EXOC4: variants seen among roughly 807,000 people sequenced by gnomAD.
The protein encoded by EXOC4 is exocyst complex component 4.
Under a neutral mutation model 107.2 loss-of-function variants are expected in EXOC4, and 71 were observed. That is an observed-to-expected ratio of 0.66 (90% CI 0.55 to 0.81). The LOEUF (loss-of-function observed/expected upper bound fraction) is 0.81, where lower values mean the gene tolerates loss of function less well. Ranked by LOEUF, EXOC4 falls within the 30% of genes least tolerant of loss-of-function variation. EXOC4 has a pLI of 0.00. For missense variants in EXOC4, 1,108 were observed against 1,189.6 expected (o/e 0.93, Z 1.01); for synonymous variants, 456 against 441.2 (o/e 1.03, Z -0.42).
chr7:133,501,090 A>G (rs1799567388), intron 9 of EXOC4, among the ~76,000 whole-genome samples: 1 of 152,164 alleles, frequency 6.6e-6, no homozygotes, highest in Non-Finnish European at 1.5e-5. Context: ...GCATATATGT[A>G]TATATAATTA....
rs1037167843 is a variant in EXOC4 at position 133,922,279 on chromosome 7, G to A, written c.2027+4541G>A. Among the ~76,000 whole-genome samples, 3 of 152,146 alleles carry A rather than the reference G, an allele frequency of 2.0e-5. No homozygotes were observed. The South Asian group carries it at 6.2e-4, about 31-fold the overall frequency. On this transcript the variant is annotated intron_variant, in intron 13 of 17. Transcript: ENST00000253861. ...ACAGAACTTTAGCAATAAGAACATA[G>A]CAACAAAGTGCCTTCTCGTCCTCCT...
chr7:133,659,747 G>A (rs758776031), intron 10 of EXOC4, among the ~76,000 whole-genome samples: 3 of 152,058 alleles, frequency 2.0e-5, no homozygotes, highest in Admixed American at 6.6e-5. Context: ...TTGTCTCCCC[G>A]ATTTCCCATT....
At chr7:133,885,438 C>T (rs1194488593) in intron 11 of EXOC4, among the ~76,000 whole-genome samples, 1 of 152,150 alleles carries the variant, frequency 6.6e-6, no homozygotes, top group African/African-American at 2.4e-5. Context: ...TCTGAATGTG[C>T]TGTGCATGTG....
intron 5 of EXOC4, among the ~76,000 whole-genome samples, chr7:133,331,325 CTA>C (rs1276576862): frequency 1.3e-5 from 2 of 151,960 alleles, no homozygotes; most frequent in Non-Finnish European, 2.9e-5. Context: ...TAAAGAATCT[CTA>C]TAAATCAATA....
intron 14 of EXOC4, among the ~76,000 whole-genome samples, chr7:133,979,782 C>T (rs1169062474): frequency 1.3e-5 from 2 of 151,338 alleles, no homozygotes; most frequent in African/African-American, 2.4e-5. Context: ...AGCGAGACTC[C>T]ATCTCAAAAA....
intron 11 of EXOC4, among the ~76,000 whole-genome samples, chr7:133,839,099 T>TA (rs2151246732): frequency 6.6e-6 from 1 of 152,362 alleles, no homozygotes; most frequent in South Asian, 2.1e-4. Context: ...ATTAACAAGA[T>TA]ACCTTTTTTC....
intron 17 of EXOC4, among the ~76,000 whole-genome samples, chr7:134,012,872 G>C (rs1405552861): frequency 6.6e-6 from 1 of 152,178 alleles, no homozygotes; most frequent in African/African-American, 2.4e-5. Flanking sequence ...AAAGGGTGTT[G>C]TCCCAGAAGT....
chr7:133,897,109 G>A (rs1184388344), intron 12 of EXOC4, among the ~76,000 whole-genome samples: 1 of 151,286 alleles, frequency 6.6e-6, no homozygotes, highest in African/African-American at 2.4e-5. Context: ...TGAAAATGTA[G>A]ATGTTGGATA....
the EXOC4 span, among the ~76,000 whole-genome samples, chr7:134,096,948 C>G: frequency 6.6e-6 from 1 of 152,006 alleles, no homozygotes; most frequent in African/African-American, 2.4e-5. Flanking sequence ...TATTAACCAT[C>G]ACAACTCTGT....
chr7:133,322,526 G>A (rs938781210), intron 5 of EXOC4, among the ~76,000 whole-genome samples: 1 of 152,164 alleles, frequency 6.6e-6, no homozygotes, highest in African/African-American at 2.4e-5. Context: ...TCAGATGGTT[G>A]TAGATGTGTG....
At chr7:133,821,592 T>C (rs1797522503) in intron 11 of EXOC4, among the ~76,000 whole-genome samples, 1 of 152,222 alleles carries the variant, frequency 6.6e-6, no homozygotes, top group African/African-American at 2.4e-5. Context: ...AGCAATTCAT[T>C]TTTATGTTTT....
At chr7:133,771,440 A>G (rs1796242635) in intron 10 of EXOC4, 1 of 151,988 alleles carries the variant, frequency 6.6e-6, no homozygotes, top group African/African-American at 2.4e-5. Context: ...GACATCAGTA[A>G]TGATTCAGTC....
chr7:133,738,840 G>A (rs1420967), intron 10 of EXOC4, among the ~76,000 whole-genome samples: 150,212 of 152,294 alleles, frequency 0.99, 74,126 homozygotes, highest in Middle Eastern at 1. Context: ...TGGTACTTCC[G>A]TTCTGTTCAA....
chr7:133,655,281 G>C (rs999676980), intron 10 of EXOC4, among the ~76,000 whole-genome samples: 3 of 152,030 alleles, frequency 2.0e-5, no homozygotes, highest in African/African-American at 7.2e-5. Flanking sequence ...ATTTTATAAT[G>C]ATTAAATTAG....
intron 9 of EXOC4, among the ~76,000 whole-genome samples, chr7:133,522,902 C>T (rs1221267529): frequency 1.3e-5 from 2 of 152,138 alleles, no homozygotes; most frequent in African/African-American, 4.8e-5. Context: ...CCATGACCAA[C>T]TGGTTTGTTT....
At chr7:133,353,416 G>A (rs1417136361) in intron 5 of EXOC4, among the ~76,000 whole-genome samples, 2 of 152,024 alleles carry the variant, frequency 1.3e-5, no homozygotes, top group Non-Finnish European at 1.5e-5. Context: ...AGAATTCTTG[G>A]TTGACAGTTT....
intron 5 of EXOC4, among the ~76,000 whole-genome samples, chr7:133,354,134 T>G (rs1472904757): frequency 6.6e-6 from 1 of 152,092 alleles, no homozygotes; most frequent in Non-Finnish European, 1.5e-5. Context: ...TAAGTCTTTT[T>G]CAGGGACAGT....
In EXOC4 at chr7:133,383,847, G is replaced by A. The variant is rs752250748; in HGVS notation, c.1182+8845G>A. On this transcript the variant is annotated intron_variant, in intron 7 of 17. Coordinates refer to ENST00000253861, the MANE Select transcript of EXOC4 (RefSeq NM_021807.4). ...AACTTTTTGATAACCTCTATTTTGC[G>A]TGGCATCGTGAAGTCATGTTGTTGG... 2.0e-5 allele frequency among the ~76,000 whole-genome samples: 3 copies of A among 152,138 alleles called. No homozygotes were observed. In the East Asian group the frequency reaches 5.8e-4, roughly 29 times the overall value.
In EXOC4 at chr7:133,764,381, C is replaced by A. The variant is rs932206331; in HGVS notation, c.1515-52944C>A. Among the ~76,000 whole-genome samples, 3 of 152,052 alleles carry A rather than the reference C, an allele frequency of 2.0e-5. No homozygotes were observed. The South Asian group carries it at 6.2e-4, about 32-fold the overall frequency. On this transcript the variant is annotated intron_variant, in intron 10 of 17. Coordinates refer to ENST00000253861, the MANE Select transcript of EXOC4 (RefSeq NM_021807.4). ...TCGTCAAAATATGAAGTCCTCCTTT[C>A]TCTTCCAGGACGAGAAGGCTTCATG...
Sources: allele counts gnomAD v4.1 joint callset (sites outside exome capture counted in the v4.1 genomes callset), GRCh38; gene constraint gnomAD v4.1.1; transcripts MANE v1.5; gene names NCBI Gene and HGNC (gene_info 2026-07-23, HGNC 2026-07-21).